PDZRN4: variants seen among roughly 807,000 people sequenced by gnomAD.
PDZRN4 encodes the protein PDZ domain containing ring finger 4, also known as PDZ domain-containing RING finger protein 4.
A neutral mutation model predicts 99.0 loss-of-function variants in PDZRN4; 70 were observed. The observed-to-expected ratio is 0.71, with a 90% CI of 0.58 to 0.86. PDZRN4 has a LOEUF of 0.86. PDZRN4 is among the 40% of genes least tolerant of loss of function. The pLI, the probability that PDZRN4 is intolerant of heterozygous loss-of-function variation, is 0.00. For synonymous variants in PDZRN4, 551 were observed against 501.6 expected (o/e 1.10, Z -1.32); for missense variants, 1,474 against 1,331.2 (o/e 1.11, Z -1.67).
chr12:41,362,239 C>T (rs1228735455), intron 3 of PDZRN4, among the ~76,000 whole-genome samples: 2 of 151,976 alleles, frequency 1.3e-5, no homozygotes, highest in East Asian at 1.9e-4. Context: ...CTCCTCCACC[C>T]ACCCTTGCTT....
chr12:41,286,018 A>C, intron 3 of PDZRN4, among the ~76,000 whole-genome samples: 1 of 152,110 alleles, frequency 6.6e-6, no homozygotes, highest in East Asian at 1.9e-4. Flanking sequence ...AGAGAAAAAA[A>C]ATAAAATAAA....
At chr12:41,559,212 G>C (rs1012205812) in intron 7 of PDZRN4, among the ~76,000 whole-genome samples, 4 of 151,360 alleles carry the variant, frequency 2.6e-5, no homozygotes, top group Non-Finnish European at 5.9e-5. Context: ...CACACGTGCT[G>C]TCACACAAAG....
chr12:41,484,278 T>A (rs1334769221), intron 3 of PDZRN4, among the ~76,000 whole-genome samples: 1 of 152,238 alleles, frequency 6.6e-6, no homozygotes, highest in Non-Finnish European at 1.5e-5. Flanking sequence ...ATTTTTGAAC[T>A]TGAAACCTAC....
In PDZRN4 at chr12:41,189,101, A is replaced by C. The variant is rs1591960341; in HGVS notation, c.646A>C (p.Arg216=). 6.3e-7 allele frequency: 1 copy of C among 1,578,676 alleles called. No individual in the cohort carries two copies. The highest frequency in any genetic ancestry group is 8.5e-7 in the Non-Finnish European group (1 of 1,170,584). ...CGGCGACCTCGGTGGCGGCCACCGC[A>C]GGGTAAGCAAAGGGGGGTGGGCACC... The part of the protein sequence containing the change: ...FVGDLGGGHR[R]DGEHKPFTIV... The change falls in exon 1 of 10, where the codon AGG becomes CGG. Residue 216 remains arginine, a splice_region_variant and synonymous_variant. Coordinates refer to ENST00000402685, the MANE Select transcript of PDZRN4 (RefSeq NM_001164595.2).
chr12:41,201,656 A>G (rs1226303419), intron 3 of PDZRN4, among the ~76,000 whole-genome samples: 1 of 152,054 alleles, frequency 6.6e-6, no homozygotes, highest in East Asian at 1.9e-4. Context: ...GAGTTTTTCA[A>G]CATCCCTGAA....
intron 3 of PDZRN4, among the ~76,000 whole-genome samples, chr12:41,206,390 G>A (rs954412625): frequency 6.6e-6 from 1 of 151,766 alleles, no homozygotes; most frequent in East Asian, 1.9e-4. Flanking sequence ...GTGAAATGGT[G>A]TATGCAGATG....
chr12:41,248,860 T>TC (rs1392247106), intron 3 of PDZRN4, among the ~76,000 whole-genome samples: 1 of 152,160 alleles, frequency 6.6e-6, no homozygotes, highest in East Asian at 1.9e-4. Flanking sequence ...AATGTAATTA[T>TC]CCCCAGAGTA....
chr12:41,410,694 C>T (rs550841562), intron 3 of PDZRN4, among the ~76,000 whole-genome samples: 4 of 152,248 alleles, frequency 2.6e-5, no homozygotes, highest in Non-Finnish European at 4.4e-5. Context: ...GGCTTAATGG[C>T]TCTAACTGTT....
chr12:41,499,120 G>A (rs1307591112), intron 3 of PDZRN4, among the ~76,000 whole-genome samples: 2 of 152,090 alleles, frequency 1.3e-5, no homozygotes, highest in African/African-American at 4.8e-5. Flanking sequence ...GTGAAGGTGA[G>A]TCAGGATTGT....
At chr12:41,474,848 A>G (rs543320219) in intron 3 of PDZRN4, among the ~76,000 whole-genome samples, 92 of 152,342 alleles carry the variant, frequency 6.0e-4, no homozygotes, top group Admixed American at 1.2e-3. Context: ...GGTGTGAAAG[A>G]AAAATATTTG....
chr12:41,505,821 T>C (rs1348358039), intron 3 of PDZRN4, among the ~76,000 whole-genome samples: 6 of 149,662 alleles, frequency 4.0e-5, no homozygotes, highest in African/African-American at 7.3e-5. Flanking sequence ...AATATAAATA[T>C]AAAGCCGGAA....
At chr12:41,383,391 T>A (rs933264238) in intron 3 of PDZRN4, among the ~76,000 whole-genome samples, 2 of 152,192 alleles carry the variant, frequency 1.3e-5, no homozygotes, top group Non-Finnish European at 2.9e-5. Context: ...TTTAAAGTTG[T>A]CAATAGAAAT....
intron 3 of PDZRN4, among the ~76,000 whole-genome samples, chr12:41,268,008 T>C (rs1030547640): frequency 6.6e-6 from 1 of 152,208 alleles, no homozygotes; most frequent in African/African-American, 2.4e-5. Context: ...TACTCTGAAC[T>C]ACTCTGATAT....
At chr12:41,209,242 G>T (rs1950870965) in intron 3 of PDZRN4, among the ~76,000 whole-genome samples, 2 of 151,962 alleles carry the variant, frequency 1.3e-5, no homozygotes, top group Admixed American at 1.3e-4. Flanking sequence ...TTTCTAAGAA[G>T]TCATTTAGGC....
chr12:41,222,450 A>C (rs1950961804), intron 3 of PDZRN4, among the ~76,000 whole-genome samples: 1 of 152,000 alleles, frequency 6.6e-6, no homozygotes, highest in Admixed American at 6.6e-5. Flanking sequence ...TTTCGTATAA[A>C]ATGAGTTTTA....
chr12:41,534,273 A>T (rs1938711849), intron 5 of PDZRN4, among the ~76,000 whole-genome samples: 1 of 140,958 alleles, frequency 7.1e-6, no homozygotes, highest in African/African-American at 2.9e-5. Flanking sequence ...GAATTTGCAC[A>T]TCTCTTTTTA....
At chr12:41,360,715 C>G (rs1951957808) in intron 3 of PDZRN4, among the ~76,000 whole-genome samples, 2 of 151,852 alleles carry the variant, frequency 1.3e-5, no homozygotes, top group Admixed American at 1.3e-4. Flanking sequence ...CATTAGTAGA[C>G]TACCTGAAAG....
chr12:41,372,492 T>C (rs1266559041), intron 3 of PDZRN4, among the ~76,000 whole-genome samples: 4 of 152,160 alleles, frequency 2.6e-5, no homozygotes, highest in African/African-American at 9.7e-5. Flanking sequence ...ATTAAAGGAA[T>C]TTAAGTAAAA....
chr12:41,206,507 C>T, intron 3 of PDZRN4, among the ~76,000 whole-genome samples: 1 of 150,950 alleles, frequency 6.6e-6, no homozygotes, highest in Non-Finnish European at 1.5e-5. Flanking sequence ...AATTATTAAG[C>T]TTAATTATTT....
Sources: allele counts gnomAD v4.1 joint callset (sites outside exome capture counted in the v4.1 genomes callset), GRCh38; gene constraint gnomAD v4.1.1; transcripts MANE v1.5; gene names NCBI Gene and HGNC (gene_info 2026-07-23, HGNC 2026-07-21).